Variants in FLYWCH1 observed in about 807,000 individuals in gnomAD.
FLYWCH1 encodes the protein FLYWCH-type zinc finger-containing protein 1.
FLYWCH1 carries 75 observed loss-of-function variants against 66.4 expected under a neutral mutation model. That is an observed-to-expected ratio of 1.13 (90% CI 0.94 to 1.37). The LOEUF (loss-of-function observed/expected upper bound fraction) is 1.37, where lower values mean the gene tolerates loss of function less well. Among genes scored for constraint, FLYWCH1 ranks in the 40% most tolerant of loss-of-function variants. The probability of loss-of-function intolerance (pLI) is 0.00; values close to 1 mark genes in which losing one functional copy is unlikely to be tolerated. For missense variants in FLYWCH1, 1,334 were observed against 1,001.8 expected (o/e 1.33, Z -4.48); for synonymous variants, 595 against 429.9 (o/e 1.38, Z -4.75).
chr16:2,925,498 G>C (rs2070527605), intron 2 of FLYWCH1, among the ~76,000 whole-genome samples: 1 of 151,534 alleles, frequency 6.6e-6, no homozygotes, highest in Admixed American at 6.6e-5. Flanking sequence ...CTCAGAGCGA[G>C]GGAGCGGGAG....
intron 7 of FLYWCH1, 52 bp from the exon 8 acceptor site, chr16:2,938,132 C>A: frequency 1.9e-6 from 3 of 1,565,686 alleles, no homozygotes; most frequent in Non-Finnish European, 2.6e-6. Flanking sequence ...GACCCCCAGC[C>A]CTGCCACCCA....
At chr16:2,918,949 C>CT (rs1001048887) in intron 2 of FLYWCH1, among the ~76,000 whole-genome samples, 204 of 151,384 alleles carry the variant, frequency 1.3e-3, no homozygotes, top group Middle Eastern at 3.4e-3. Flanking sequence ...ATTTTGCTTT[C>CT]TTTTTTTTTC....
rs150704073 is a variant in FLYWCH1, at chr16:2,931,305, T to TAAAA, written c.796+447_796+450dup. Among the ~76,000 whole-genome samples, 98 of 87,446 alleles carry TAAAA rather than the reference T, an allele frequency of 1.1e-3. 2 individuals carry two copies. Among genetic ancestry groups the TAAAA allele is most frequent in the Non-Finnish European group, 1.5e-3 (71 of 46,932 alleles). 57.4% of individuals were successfully genotyped at this position (87,446 alleles called of 152,430 possible). On this transcript the variant is annotated intron_variant, in intron 4 of 9. Transcript: ENST00000253928. ...TGACTGGAGCGAGACTCCATCTCAGTAAAAAAAAAAAAAAAAAAAAAAAAA... is the reference window on the plus strand; with the variant it reads ...TGACTGGAGCGAGACTCCATCTCAGTAAAAAAAAAAAAAAAAAAAAAAAAAAAAA...
rs768455395 is a variant in FLYWCH1, at chr16:2,933,871, C to A, written c.1405C>A (p.Arg469=). Residue 469 remains arginine (R), a synonymous_variant, in exon 6 of 10, where the codon CGA becomes AGA. Transcript: ENST00000253928. ...GCRSRAITQG[R]RVTVMRGHCH... The stretch of plus-strand genomic sequence containing the variant: ...CCGCAGCCGCGCCATCACCCAGGGC[C>A]GACGGGTGACTGTCATGCGTGGTCA... 6.3e-7 allele frequency: 1 copy of A among 1,599,798 alleles called. No homozygotes were observed. The highest frequency in any genetic ancestry group is 8.5e-7 in the Non-Finnish European group (1 of 1,173,710).
At chr16:2,925,751 G>A (rs182396749) in intron 2 of FLYWCH1, among the ~76,000 whole-genome samples, 236 of 152,308 alleles carry the variant, frequency 1.5e-3, no homozygotes, top group African/African-American at 5.6e-3. Context: ...GGGGCTGGGG[G>A]AGGTGTGGTG....
At chr16:2,923,386 A>G (rs928856187) in intron 2 of FLYWCH1, among the ~76,000 whole-genome samples, 1 of 152,130 alleles carries the variant, frequency 6.6e-6, no homozygotes, top group Non-Finnish European at 1.5e-5. Context: ...AGTTGGGATT[A>G]CAGGCGTCCG....
In FLYWCH1 at chr16:2,923,788, C is replaced by T. The variant is rs890387456; in HGVS notation, c.-73-5825C>T. Among the ~76,000 whole-genome samples, 42 of 152,070 alleles carry T rather than the reference C, an allele frequency of 2.8e-4. 1 individual carries two copies. Among genetic ancestry groups the T allele is most frequent in the Admixed American group, 2.0e-3 (31 of 15,266 alleles). On this transcript the variant is annotated intron_variant, in intron 2 of 9. Coordinates refer to ENST00000253928, the MANE Select transcript of FLYWCH1 (RefSeq NM_001308068.2). The stretch of plus-strand genomic sequence containing the variant: ...CGTAGTGGCTCACACCTGTAATCCC[C>T]GCACTTTGGAAGGCTGAGGCGGGTG...
intron 2 of FLYWCH1, among the ~76,000 whole-genome samples, chr16:2,914,725 C>G (rs753262017): frequency 7.9e-5 from 12 of 151,948 alleles, no homozygotes; most frequent in Admixed American, 2.0e-4. Context: ...ATGGTGAAAC[C>G]CTGTCTATAC....
rs148530117 is a variant in FLYWCH1 at position 2,942,954 on chromosome 16, G to A, written c.2111+2862G>A. Reference sequence around the variant, plus strand: ...CGACCTCAAGTGATCCACCCGCCTCGGACTCCTAAAGTGCTGGGATTACAG... The same window carrying A: ...CGACCTCAAGTGATCCACCCGCCTCAGACTCCTAAAGTGCTGGGATTACAG... On this transcript the variant is annotated intron_variant, in intron 9 of 9. Coordinates refer to ENST00000253928, the MANE Select transcript of FLYWCH1 (RefSeq NM_001308068.2). 7.1e-3 allele frequency among the ~76,000 whole-genome samples: 1,074 copies of A among 151,904 alleles called. 10 individuals carry two copies. The highest frequency in any genetic ancestry group is 0.024 in the African/African-American group (998 of 41,414).
In FLYWCH1 at chr16:2,933,495, C is replaced by G; in HGVS notation, c.1162C>G (p.Pro388Ala). The change falls in exon 5 of 10, where the codon CCC (proline) becomes GCC (alanine). Residue 388 changes from proline (P) to alanine (A), a missense_variant. Transcript: ENST00000253928. ...PGPLTLTRPRPRKRAKVEDQE... is the reference protein window; with the variant it reads ...PGPLTLTRPRARKRAKVEDQE... ...TCCCCTGACTCTCACCAGGCCTCGGCCCAGAAAGCGAGCAAAGGTCGAAGA... is the reference window on the plus strand; with the variant it reads ...TCCCCTGACTCTCACCAGGCCTCGGGCCAGAAAGCGAGCAAAGGTCGAAGA... The G allele has an allele frequency of 6.2e-7, 1 of 1,609,790 alleles. No homozygotes were observed. Among genetic ancestry groups the G allele is most frequent in the Non-Finnish European group, 8.5e-7 (1 of 1,178,360 alleles).
chr16:2,944,811 G>A (rs1234799461), intron 9 of FLYWCH1, among the ~76,000 whole-genome samples: 1 of 149,354 alleles, frequency 6.7e-6, no homozygotes, highest in Non-Finnish European at 1.5e-5. Context: ...AACAGAGTGA[G>A]ACTCTGTATC....
intron 9 of FLYWCH1, among the ~76,000 whole-genome samples, chr16:2,941,039 C>T (rs2071241733): frequency 6.6e-6 from 1 of 152,150 alleles, no homozygotes; most frequent in Non-Finnish European, 1.5e-5. Context: ...GCAGAGGTTG[C>T]AGTGAGCCAA....
chr16:2,935,657 C>T (rs1302069669), intron 6 of FLYWCH1: 2 of 152,272 alleles, frequency 1.3e-5, no homozygotes, highest in Middle Eastern at 6.8e-3. Context: ...TCCGTGGTGT[C>T]ACAGGTGCAG....
chr16:2,918,454 T>C (rs1329531612), intron 2 of FLYWCH1, among the ~76,000 whole-genome samples: 1 of 150,600 alleles, frequency 6.6e-6, no homozygotes, highest in Non-Finnish European at 1.5e-5. Context: ...GCTTTTTTTT[T>C]TTTGAGAGGG....
At chr16:2,939,989 AGAG>A in intron 8 of FLYWCH1, 40 bp from the exon 9 acceptor site, 2 of 1,559,194 alleles carry the variant, frequency 1.3e-6, no homozygotes, top group East Asian at 2.4e-5. Flanking sequence ...AGCTTCAACA[AGAG>A]AAGAATTATT....
chr16:2,938,580 T>A, intron 8 of FLYWCH1, 124 bp downstream of exon 8: 1 of 752,708 alleles, frequency 1.3e-6, no homozygotes, highest in Non-Finnish European at 1.9e-6. Flanking sequence ...AAATTATTCA[T>A]ATAAACAGAA....
chr16:2,944,254 G>A (rs2071388668), intron 9 of FLYWCH1, among the ~76,000 whole-genome samples: 1 of 151,578 alleles, frequency 6.6e-6, no homozygotes, highest in East Asian at 2.0e-4. Context: ...TTGGCTACAG[G>A]TACAGCGCAC....
chr16:2,949,010 T>C lies in FLYWCH1; in HGVS notation c.*283T>C. On this transcript the variant is annotated 3_prime_UTR_variant, in exon 10 of 10. Coordinates refer to ENST00000253928, the MANE Select transcript of FLYWCH1 (RefSeq NM_001308068.2). ...CTTTGGAAGACATGACAAAGCTGCCTGGACACGGACGCCCCTGCTGTACGG... is the reference window on the plus strand; with the variant it reads ...CTTTGGAAGACATGACAAAGCTGCCCGGACACGGACGCCCCTGCTGTACGG... 1 of 470,744 alleles carries C rather than the reference T, an allele frequency of 2.1e-6. No individual in the cohort carries two copies. Among genetic ancestry groups the C allele is most frequent in the Non-Finnish European group, 3.9e-6 (1 of 255,576 alleles). 29.2% of individuals were successfully genotyped at this position (470,744 alleles called of 1,614,324 possible).
In FLYWCH1 at chr16:2,929,623, C is replaced by G. The variant is rs569166141; in HGVS notation, c.-63C>G. ...TGCTTCCTTCCTTAGGACGGAACCACTGCACTCCAGGTTCCTTGCTGGGTG... is the reference window on the plus strand; with the variant it reads ...TGCTTCCTTCCTTAGGACGGAACCAGTGCACTCCAGGTTCCTTGCTGGGTG... On this transcript the variant is annotated 5_prime_UTR_variant, in exon 3 of 10. Transcript: ENST00000253928. The G allele has an allele frequency of 2.3e-5, 35 of 1,534,206 alleles. No individual in the cohort carries two copies. In the East Asian group the frequency reaches 7.6e-4, roughly 33 times the overall value.
Sources: gnomAD v4.1 joint callset for allele counts (sites outside exome capture counted in the v4.1 genomes callset) on GRCh38, gnomAD v4.1.1 for gene constraint, MANE v1.5 for transcripts, NCBI Gene and HGNC (gene_info 2026-07-23, HGNC 2026-07-21) for gene names.